Variants in HERC2 observed in about 807,000 individuals in gnomAD.
The protein encoded by HERC2 is HECT and RLD domain containing E3 ubiquitin protein ligase 2.
Under a neutral mutation model 537.7 loss-of-function variants are expected in HERC2, and 102 were observed. That is an observed-to-expected ratio of 0.19 (90% CI 0.16 to 0.22). HERC2 has a LOEUF of 0.22. Ranked by LOEUF, HERC2 falls within the 10% of genes least tolerant of loss-of-function variation. The pLI is 1.00. For synonymous variants in HERC2, 2,224 were observed against 2,466.2 expected, an observed-to-expected ratio of 0.90 and a Z score of 2.91; for missense variants, 4,236 against 6,198.2, an observed-to-expected ratio of 0.68 and a Z score of 10.63.
At chr15:28,254,246 G>T in intron 20 of HERC2, 94 bp downstream of exon 20, 1 of 842,168 alleles carries the variant, frequency 1.2e-6, no homozygotes, top group Non-Finnish European at 1.8e-6. Flanking sequence ...TGGCGCCATA[G>T]CACTCCGGCC....
intron 3 of HERC2, chr15:28,298,742 G>C (rs1439219632): frequency 6.6e-6 from 1 of 152,072 alleles, no homozygotes; most frequent in Non-Finnish European, 1.5e-5. Flanking sequence ...CGTGCAGTGA[G>C]CTGAGATCGC....
At position 28,270,690 on chromosome 15, in the gene HERC2, C is replaced by T; in HGVS notation, c.1257+5G>A. 1 of 1,612,714 alleles carries T rather than the reference C, an allele frequency of 6.2e-7. No individual in the cohort carries two copies. Among genetic ancestry groups the T allele is most frequent in the Non-Finnish European group, 8.5e-7 (1 of 1,179,036 alleles). On this transcript the variant is annotated splice_donor_5th_base_variant and intron_variant, in intron 10 of 92. Transcript: ENST00000261609. ...ACATGGAGAACACGGTTCTTGCACA[C>T]ACACCTTATGAGATGTCGGAGAGCT...
At chr15:28,160,659 T>C (rs934449179) in intron 69 of HERC2, among the ~76,000 whole-genome samples, 3 of 152,238 alleles carry the variant, frequency 2.0e-5, no homozygotes, top group Non-Finnish European at 4.4e-5. Flanking sequence ...GGAAAGGGAA[T>C]TCCCTGACCC....
intron 5 of HERC2, among the ~76,000 whole-genome samples, chr15:28,276,023 C>T (rs2075862422): frequency 6.6e-6 from 1 of 151,082 alleles, no homozygotes; most frequent in Non-Finnish European, 1.5e-5. Flanking sequence ...CCTGTCTCCA[C>T]TAAAAATACA....
chr15:28,208,644 C>T (rs748318895), intron 44 of HERC2, among the ~76,000 whole-genome samples: 4 of 152,158 alleles, frequency 2.6e-5, no homozygotes, highest in Non-Finnish European at 5.9e-5. Context: ...CACCACTCAT[C>T]GACAAACCCT....
At chr15:28,116,562 A>G (rs537986260) in intron 88 of HERC2, 103 bp downstream of exon 88, 2 of 1,176,042 alleles carry the variant, frequency 1.7e-6, no homozygotes, top group South Asian at 1.5e-5. Flanking sequence ...CTAAAAGCAG[A>G]TATTCAAGAT....
intron 8 of HERC2, 114 bp downstream of exon 8, chr15:28,272,780 C>T: frequency 3.0e-6 from 2 of 675,046 alleles, no homozygotes; most frequent in Non-Finnish European, 5.0e-6. Flanking sequence ...GTTCTCCGTA[C>T]AGAGTACCAC....
At chr15:28,129,354 A>T (rs1889853775) in intron 83 of HERC2, among the ~76,000 whole-genome samples, 1 of 152,212 alleles carries the variant, frequency 6.6e-6, no homozygotes, top group African/African-American at 2.4e-5. Flanking sequence ...CCCGGCACTG[A>T]GCTGTGTCAG....
Position 28,236,979 on chromosome 15 carries a change from G to C in HERC2, c.3987C>G (p.Val1329=). The change falls in exon 26 of 93, where the codon GTC becomes GTG. Residue 1329 remains valine, a synonymous_variant. Transcript: ENST00000261609. Reference sequence around the variant, plus strand: ...TTTTCTTACTGGCACATTCAATCTCGACAGGAGACAGCGGTGTGCTCATTG... The same window carrying C: ...TTTTCTTACTGGCACATTCAATCTCCACAGGAGACAGCGGTGTGCTCATTG... ...YLAMSTPLSP[V]EIECAKWLQS... is the part of the protein sequence containing the mutation. 1 of 1,611,770 alleles carries C rather than the reference G, an allele frequency of 6.2e-7. No individual in the cohort carries two copies. The highest frequency in any genetic ancestry group is 8.5e-7 in the Non-Finnish European group (1 of 1,179,726).
Position 28,257,082 on chromosome 15 carries a change from C to T in HERC2, c.2496G>A (p.Thr832=), listed in dbSNP as rs745836275. 44 of 1,613,542 alleles carry T rather than the reference C, an allele frequency of 2.7e-5. No individual in the cohort carries two copies. The highest frequency in any genetic ancestry group is 6.7e-5 in the African/African-American group (5 of 74,998). Residue 832 remains threonine, a synonymous_variant, in exon 17 of 93, where the codon ACG becomes ACA. Transcript: ENST00000261609. ...ATACCTGAAGTCGTAGAAGATTCAG[C>T]GTTGCCACGGCCACACACTCTTTCT... The part of the protein sequence containing the change: ...PQEKECVAVA[T]LNLLRLQLHA...
chr15:28,161,606 G>A (rs527403760), intron 69 of HERC2, among the ~76,000 whole-genome samples: 1 of 152,256 alleles, frequency 6.6e-6, no homozygotes, highest in South Asian at 2.1e-4. Flanking sequence ...AGCCACATGT[G>A]CCTCAAGTTG....
intron 20 of HERC2, among the ~76,000 whole-genome samples, chr15:28,252,481 T>C (rs565188725): frequency 7.9e-5 from 12 of 152,166 alleles, no homozygotes; most frequent in Non-Finnish European, 1.6e-4. Context: ...CTTTAAAACT[T>C]TGCGTGGAAC....
intron 79 of HERC2, among the ~76,000 whole-genome samples, chr15:28,133,155 G>C (rs984608304): frequency 1.4e-5 from 2 of 147,732 alleles, no homozygotes; most frequent in Non-Finnish European, 3.0e-5. Context: ...AAAAAAAAAA[G>C]AATCATATGC....
At position 28,268,743 on chromosome 15, in the gene HERC2, G is replaced by A. The variant is rs2075638477; in HGVS notation, c.1447-127C>T. On this transcript the variant is annotated intron_variant, in intron 11 of 92. Coordinates refer to ENST00000261609, the MANE Select transcript of HERC2 (RefSeq NM_004667.6). The surrounding 1 kb of genome is among the most constrained non-coding windows in gnomAD (Gnocchi z 4.7). ...ACTCCAAGTGGGGCATAAGTCTCTG[G>A]GAACTACGGGGCCGGCTCTCCAGCC... The A allele has an allele frequency of 2.6e-6, 2 of 764,674 alleles. No individual in the cohort carries two copies. The highest frequency in any genetic ancestry group is 4.2e-6 in the Non-Finnish European group (2 of 472,616). 47.4% of individuals were successfully genotyped at this position (764,674 alleles called of 1,614,324 possible).
intron 4 of HERC2, among the ~76,000 whole-genome samples, chr15:28,292,416 CA>C (rs1567127316): frequency 1.3e-5 from 2 of 152,114 alleles, no homozygotes; most frequent in Non-Finnish European, 2.9e-5. Context: ...CATCAGAAAA[CA>C]AAAAGTGTTG....
chr15:28,180,244 C>T (rs1436225457), intron 57 of HERC2, among the ~76,000 whole-genome samples: 1 of 152,200 alleles, frequency 6.6e-6, no homozygotes, highest in Non-Finnish European at 1.5e-5. Context: ...CAGTACAGTT[C>T]CATGTTGTAG....
chr15:28,141,331 G>T, intron 78 of HERC2, 101 bp downstream of exon 78: 1 of 944,646 alleles, frequency 1.1e-6, no homozygotes. Context: ...CCTGAGAAAC[G>T]TTTTAGTACA....
chr15:28,308,099 G>A, intron 2 of HERC2, among the ~76,000 whole-genome samples: 1 of 151,890 alleles, frequency 6.6e-6, no homozygotes, highest in Non-Finnish European at 1.5e-5. Flanking sequence ...GAATGTCATT[G>A]GTATTTTGCT....
At chr15:28,316,858 C>A (rs1244091069) in intron 2 of HERC2, among the ~76,000 whole-genome samples, 2 of 152,172 alleles carry the variant, frequency 1.3e-5, no homozygotes, top group Non-Finnish European at 2.9e-5. Context: ...CTCACTACAA[C>A]CTCCGCCTCC....
Sources: allele counts gnomAD v4.1 joint callset (sites outside exome capture counted in the v4.1 genomes callset), GRCh38; gene constraint gnomAD v4.1.1; non-coding constraint Gnocchi (gnomAD v3.1); transcripts MANE v1.5; gene names NCBI Gene and HGNC (gene_info 2026-07-23, HGNC 2026-07-21).